The following MCPH1 variants were observed in gnomAD, a reference collection of about 807,000 sequenced individuals.
MCPH1 encodes the protein microcephalin.
A neutral mutation model predicts 84.5 loss-of-function variants in MCPH1; 104 were observed. The observed-to-expected ratio is 1.23, with a 90% CI of 1.05 to 1.45. The LOEUF (loss-of-function observed/expected upper bound fraction) is 1.45, where lower values mean the gene tolerates loss of function less well. MCPH1 is among the 40% of genes most tolerant of loss of function. MCPH1 has a pLI of 0.00. For synonymous variants in MCPH1, 514 were observed against 366.8 expected (o/e 1.40, Z -4.58); for missense variants, 1,498 against 1,005.7 (o/e 1.49, Z -6.62).
rs765779255 is a variant in MCPH1, at chr8:6,480,750, G to C, written c.2010G>C (p.Leu670Phe). ...TCGTCATCCAGGTTGTGGATAAATTGAAAGGCTTTTCAATTGCACCAGACG... is the reference window on the plus strand; with the variant it reads ...TCGTCATCCAGGTTGTGGATAAATTCAAAGGCTTTTCAATTGCACCAGACG... The part of the protein sequence containing the change: ...QNVVIQVVDK[L>F]KGFSIAPDVC... The change falls in exon 11 of 14, where the codon TTG becomes TTC. Residue 670 changes from leucine to phenylalanine, a missense_variant. By Grantham distance (22) the Leu-to-Phe change is conservative. Transcript: ENST00000344683. The C allele has an allele frequency of 2.5e-6, 4 of 1,614,072 alleles. No homozygotes were observed. Among genetic ancestry groups the C allele is most frequent in the Non-Finnish European group, 2.5e-6 (3 of 1,180,052 alleles).
rs149542432 is a variant in MCPH1, at chr8:6,417,574, A to G, written c.233+2691A>G. Among the ~76,000 whole-genome samples, 508 of 151,500 alleles carry G rather than the reference A, an allele frequency of 3.4e-3. 5 individuals carry two copies. Among genetic ancestry groups the G allele is most frequent in the East Asian group, 0.03 (154 of 5,158 alleles). On this transcript the variant is annotated intron_variant, in intron 3 of 13. Transcript: ENST00000344683. Reference sequence around the variant, plus strand: ...TTCAAGTTCATTGACTTTTTTCTCCATCAAATCCATTCTGCTACTTAGTAC... The same window carrying G: ...TTCAAGTTCATTGACTTTTTTCTCCGTCAAATCCATTCTGCTACTTAGTAC...
At position 6,623,747 on chromosome 8, in the gene MCPH1, T is replaced by TAAG. The variant is rs567304985; in HGVS notation, c.2452+2058_2452+2060dup. 2.4e-3 allele frequency among the ~76,000 whole-genome samples: 325 copies of TAAG among 137,382 alleles called. 1 individual carries two copies. Among genetic ancestry groups the TAAG allele is most frequent in the African/African-American group, 8.4e-3 (310 of 36,688 alleles). The allele number at this position is 137,382 out of a possible 152,430, so 90.1% of individuals were successfully genotyped here. Reference sequence around the variant, plus strand: ...TTGATTTTAGTCACAGTCCAAAAGCTAAGAGGCTGTTTACTCTTTTCTAAA... The same window carrying TAAG: ...TTGATTTTAGTCACAGTCCAAAAGCTAAGAAGAGGCTGTTTACTCTTTTCTAAA... On this transcript the variant is annotated intron_variant, in intron 13 of 13. Transcript: ENST00000344683.
chr8:6,604,006 T>TC (rs901211816), intron 12 of MCPH1, among the ~76,000 whole-genome samples: 20 of 151,762 alleles, frequency 1.3e-4, no homozygotes, highest in African/African-American at 4.8e-4. Context: ...CTTTGACTTT[T>TC]TTTTTTTTTA....
At chr8:6,409,746 G>C (rs1798275750) in intron 2 of MCPH1, among the ~76,000 whole-genome samples, 1 of 152,126 alleles carries the variant, frequency 6.6e-6, no homozygotes, top group South Asian at 2.1e-4. Flanking sequence ...CTGGAGCTTG[G>C]AGTGTTCAAG....
chr8:6,551,961 A>G (rs1321111276), intron 12 of MCPH1, among the ~76,000 whole-genome samples: 1 of 152,234 alleles, frequency 6.6e-6, no homozygotes, highest in Non-Finnish European at 1.5e-5. Context: ...TAAAACTCTA[A>G]TACTTCAACT....
chr8:6,422,675 A>G (rs1307893938), intron 3 of MCPH1, among the ~76,000 whole-genome samples: 1 of 152,142 alleles, frequency 6.6e-6, no homozygotes, highest in Admixed American at 6.5e-5. Flanking sequence ...TAACTTCGTT[A>G]TCCAAAAGCA....
intron 13 of MCPH1, chr8:6,626,476 T>TTTG (rs1251655484): frequency 2.6e-4 from 121 of 463,854 alleles, no homozygotes; most frequent in South Asian, 2.1e-3. Context: ...TTTGTTTTGT[T>TTTG]TTTTTTTTTT....
At chr8:6,542,337 T>G (rs1821757221) in intron 12 of MCPH1, among the ~76,000 whole-genome samples, 1 of 151,990 alleles carries the variant, frequency 6.6e-6, no homozygotes, top group Non-Finnish European at 1.5e-5. Flanking sequence ...TATGTATGTG[T>G]GTGTGTTTCA....
At chr8:6,474,058 T>C in intron 9 of MCPH1, 1 of 801,370 alleles carries the variant, frequency 1.2e-6, no homozygotes, top group East Asian at 2.4e-5. Flanking sequence ...TTTCGTACAA[T>C]ATGTTGGCAT....
chr8:6,492,797 G>A (rs1810795279), intron 11 of MCPH1, among the ~76,000 whole-genome samples: 1 of 150,404 alleles, frequency 6.6e-6, no homozygotes, highest in African/African-American at 2.4e-5. Context: ...ATTATTGATT[G>A]AGTTAAGTAA....
chr8:6,450,147 G>A lies in MCPH1; in HGVS notation c.1825+4600G>A, dbSNP rs1028772616. ...GGTCATGTCCAACTACCAGGGTCTT[G>A]TTCATCGATAATAGTCACCAGTTGT... On this transcript the variant is annotated intron_variant, in intron 8 of 13. Transcript: ENST00000344683. Among the ~76,000 whole-genome samples, 8 of 152,246 alleles carry A rather than the reference G, an allele frequency of 5.3e-5. No homozygotes were observed. The East Asian group carries it at 1.2e-3, about 22-fold the overall frequency.
intron 10 of MCPH1, among the ~76,000 whole-genome samples, chr8:6,478,398 G>T (rs990960744): frequency 2.0e-5 from 3 of 152,130 alleles, no homozygotes; most frequent in African/African-American, 7.2e-5. Context: ...ATTCTAAATA[G>T]TCTAATACAG....
Position 6,505,260 on chromosome 8 carries a change from T to TA in MCPH1, c.2214+5331_2214+5332insA, listed in dbSNP as rs1586181398. ...ATAGAATATATATTCTTTATATATG[T>TA]TTTATATATATGTATACATATATAT... On this transcript the variant is annotated intron_variant, in intron 12 of 13. Coordinates refer to ENST00000344683, the MANE Select transcript of MCPH1 (RefSeq NM_024596.5). Among the ~76,000 whole-genome samples the TA allele has an allele frequency of 7.1e-3, 170 of 23,818 alleles. 19 individuals are homozygous for TA. The highest frequency in any genetic ancestry group is 0.019 in the African/African-American group (149 of 8,038). 15.6% of individuals were successfully genotyped at this position (23,818 alleles called of 152,430 possible).
chr8:6,616,359 A>T (rs1475345831), intron 12 of MCPH1: 2 of 152,226 alleles, frequency 1.3e-5, no homozygotes, highest in Non-Finnish European at 1.5e-5. Context: ...TTTCTTGGTG[A>T]TGGATAAATA....
chr8:6,592,614 C>CTTTTTTTTTTTTTTTTTTTTTTTTTT (rs1252024553), intron 12 of MCPH1, among the ~76,000 whole-genome samples: 47 of 65,468 alleles, frequency 7.2e-4, no homozygotes, highest in Non-Finnish European at 1.1e-3. Context: ...GTTTTTCTTT[C>CTTTTTTTTTTTTTTTTTTTTTTTTTT]TTTTTTTTGT....
At chr8:6,476,658 G>A (rs984985922) in intron 9 of MCPH1, among the ~76,000 whole-genome samples, 4 of 152,060 alleles carry the variant, frequency 2.6e-5, no homozygotes, top group Non-Finnish European at 4.4e-5. Flanking sequence ...CCCCAAATAC[G>A]TAGTATACAA....
chr8:6,437,073 C>G (rs1802759052), intron 5 of MCPH1, among the ~76,000 whole-genome samples: 1 of 152,130 alleles, frequency 6.6e-6, no homozygotes, highest in Non-Finnish European at 1.5e-5. Flanking sequence ...CCTACTAATT[C>G]TGACACAGCA....
chr8:6,622,089 C>G (rs991272388), intron 13 of MCPH1: 1 of 341,946 alleles, frequency 2.9e-6, no homozygotes, highest in East Asian at 8.1e-5. Context: ...GGGGCCCAAG[C>G]CCCCGTCCCT....
At chr8:6,470,949 A>C (rs1245368827) in intron 9 of MCPH1, among the ~76,000 whole-genome samples, 1 of 152,262 alleles carries the variant, frequency 6.6e-6, no homozygotes, top group Non-Finnish European at 1.5e-5. Flanking sequence ...TTCTTTGCTC[A>C]TACCATTCCA....
Sources: gnomAD v4.1 joint callset for allele counts (sites outside exome capture counted in the v4.1 genomes callset) on GRCh38, gnomAD v4.1.1 for gene constraint, MANE v1.5 for transcripts, NCBI Gene and HGNC (gene_info 2026-07-23, HGNC 2026-07-21) for gene names.